The following EYS variants were observed in gnomAD, a reference collection of about 807,000 sequenced individuals.
The protein encoded by EYS is EGF-like photoreceptor maintenance factor.
EYS carries 250 observed loss-of-function variants against 282.1 expected under a neutral mutation model. The observed-to-expected ratio is 0.89, with a 90% confidence interval of 0.80 to 0.98. EYS has a LOEUF of 0.98. Ranked by LOEUF, EYS falls within the 50% of genes least tolerant of loss-of-function variation. EYS has a pLI of 0.00. For synonymous variants in EYS, 1,355 were observed against 1,282.9 expected (o/e 1.06, Z -1.20); for missense variants, 4,016 against 3,709.0 (o/e 1.08, Z -2.15).
intron 12 of EYS, among the ~76,000 whole-genome samples, chr6:65,094,771 A>G (rs1774690186): frequency 6.6e-6 from 1 of 151,368 alleles, no homozygotes; most frequent in Non-Finnish European, 1.5e-5. Context: ...ACACTATAAA[A>G]GAAGAAAGAT....
At chr6:64,680,374 T>G (rs1769857971) in intron 22 of EYS, among the ~76,000 whole-genome samples, 1 of 152,152 alleles carries the variant, frequency 6.6e-6, no homozygotes. Flanking sequence ...ATAAGGAAAC[T>G]TTTGTTTAAG....
intron 33 of EYS, among the ~76,000 whole-genome samples, chr6:64,033,925 A>G (rs1252004650): frequency 1.3e-5 from 2 of 152,104 alleles, no homozygotes; most frequent in African/African-American, 4.8e-5. Flanking sequence ...GGCCTTAACA[A>G]ATATTCAGGT....
chr6:65,266,301 G>C (rs556630150), intron 12 of EYS, among the ~76,000 whole-genome samples: 2 of 151,962 alleles, frequency 1.3e-5, no homozygotes, highest in African/African-American at 2.4e-5. Flanking sequence ...ACTGGTTAGA[G>C]AATGATAATA....
intron 1 of EYS, among the ~76,000 whole-genome samples, chr6:65,640,153 G>C (rs1767227865): frequency 6.6e-6 from 1 of 152,162 alleles, no homozygotes; most frequent in African/African-American, 2.4e-5. Context: ...ATAAAAGTAA[G>C]TGTAAGCTCA....
chr6:64,150,253 G>A (rs1774657342), intron 31 of EYS, among the ~76,000 whole-genome samples: 1 of 152,200 alleles, frequency 6.6e-6, no homozygotes. Flanking sequence ...CTTGTAAAGG[G>A]CTGAAAAGAA....
At chr6:64,404,948 G>C (rs1182389609) in intron 28 of EYS, among the ~76,000 whole-genome samples, 1 of 152,008 alleles carries the variant, frequency 6.6e-6, no homozygotes, top group African/African-American at 2.4e-5. Context: ...AAAAAGTCAA[G>C]GCCACTTAAC....
At chr6:64,498,338 T>A (rs1776949145) in intron 26 of EYS, among the ~76,000 whole-genome samples, 1 of 152,152 alleles carries the variant, frequency 6.6e-6, no homozygotes, top group Admixed American at 6.6e-5. Flanking sequence ...CTGAAAACAA[T>A]TTTTGGAACC....
chr6:64,817,533 T>A (rs915318064), intron 21 of EYS, among the ~76,000 whole-genome samples: 2 of 152,166 alleles, frequency 1.3e-5, no homozygotes, highest in Non-Finnish European at 2.9e-5. Context: ...TGCAGCCTTG[T>A]TACACGGGTG....
At chr6:64,044,142 C>T (rs542338227) in intron 33 of EYS, among the ~76,000 whole-genome samples, 118 of 152,264 alleles carry the variant, frequency 7.7e-4, no homozygotes, top group Admixed American at 2.5e-3. Context: ...ATATGTTCAA[C>T]GGTCTTTTCA....
intron 2 of EYS, among the ~76,000 whole-genome samples, chr6:65,528,783 G>A (rs1473635800): frequency 6.6e-6 from 1 of 152,172 alleles, no homozygotes; most frequent in Non-Finnish European, 1.5e-5. Flanking sequence ...GTAAAGAGAA[G>A]TCACTCATTA....
chr6:65,062,280 A>G (rs1561946575), intron 12 of EYS, among the ~76,000 whole-genome samples: 1 of 151,956 alleles, frequency 6.6e-6, no homozygotes, highest in Non-Finnish European at 1.5e-5. Flanking sequence ...TGTGATAAAT[A>G]ACAAAACCCA....
At chr6:65,251,298 A>G (rs79750757) in intron 12 of EYS, among the ~76,000 whole-genome samples, 2,563 of 151,882 alleles carry the variant, frequency 0.017, 25 homozygotes, top group Non-Finnish European at 0.026. Flanking sequence ...AGTAAACTAC[A>G]CTAGAAAATA....
chr6:65,494,594 C>G (rs1766166841), intron 4 of EYS, 69 bp downstream of exon 4: 1 of 1,383,764 alleles, frequency 7.2e-7, no homozygotes, highest in African/African-American at 1.4e-5. Context: ...ACTTTGATTT[C>G]TGTTAACAGT....
intron 9 of EYS, among the ~76,000 whole-genome samples, chr6:65,345,718 T>A (rs951478462): frequency 6.6e-5 from 10 of 151,594 alleles, no homozygotes; most frequent in Non-Finnish European, 1.3e-4. Flanking sequence ...TCTTAACGTC[T>A]TCCCTCTGCC....
intron 13 of EYS, among the ~76,000 whole-genome samples, chr6:65,024,596 T>C (rs1277180678): frequency 7.0e-6 from 1 of 141,870 alleles, no homozygotes; most frequent in Non-Finnish European, 1.5e-5. Context: ...CTTGAAGATA[T>C]TGTAGGCATT....
chr6:64,412,095 A>G (rs1561980489), intron 28 of EYS, among the ~76,000 whole-genome samples: 1 of 151,778 alleles, frequency 6.6e-6, no homozygotes. Flanking sequence ...ATAAACTGAA[A>G]AAATAAATAA....
intron 31 of EYS, among the ~76,000 whole-genome samples, chr6:64,190,831 CATTA>C (rs1429826837): frequency 6.6e-6 from 1 of 152,144 alleles, no homozygotes; most frequent in African/African-American, 2.4e-5. Context: ...CCAAGTAATG[CATTA>C]ATTATATGTT....
intron 22 of EYS, among the ~76,000 whole-genome samples, chr6:64,789,264 C>T (rs79571500): frequency 0.019 from 2,947 of 152,300 alleles, 70 homozygotes; most frequent in African/African-American, 0.067. Flanking sequence ...TAAACTGCTT[C>T]GTAATGCACA....
intron 25 of EYS, 68 bp downstream of exon 25, chr6:64,593,049 A>C (rs1017864912): frequency 3.6e-5 from 43 of 1,207,732 alleles, no homozygotes; most frequent in Non-Finnish European, 6.7e-6. Flanking sequence ...AATAATGCAG[A>C]AAATATGCTT....
Sources: allele counts gnomAD v4.1 joint callset (sites outside exome capture counted in the v4.1 genomes callset), GRCh38; gene constraint gnomAD v4.1.1; transcripts MANE v1.5; gene names NCBI Gene and HGNC (gene_info 2026-07-23, HGNC 2026-07-21).